The following SLC24A2 variants were observed in gnomAD, a reference collection of about 807,000 sequenced individuals.
The protein encoded by SLC24A2 is sodium/potassium/calcium exchanger 2.
A neutral mutation model predicts 62.0 loss-of-function variants in SLC24A2; 36 were observed. That is an observed-to-expected ratio of 0.58 (90% CI 0.44 to 0.77). The LOEUF (loss-of-function observed/expected upper bound fraction) is 0.77. Among genes scored for constraint, SLC24A2 ranks in the 30% least tolerant of loss-of-function variants. The pLI, the probability that SLC24A2 is intolerant of heterozygous loss-of-function variation, is 0.00. For synonymous variants in SLC24A2, 358 were observed against 294.0 expected (o/e 1.22, Z -2.23); for missense variants, 846 against 817.9 (o/e 1.03, Z -0.42).
chr9:19,995,898 G>T, the SLC24A2 span, among the ~76,000 whole-genome samples: 3 of 152,232 alleles, frequency 2.0e-5, no homozygotes, highest in African/African-American at 7.2e-5. Flanking sequence ...AGATGAACAT[G>T]CATACACACT....
At chr9:19,893,084 T>C in the SLC24A2 span, among the ~76,000 whole-genome samples, 1 of 152,214 alleles carries the variant, frequency 6.6e-6, no homozygotes, top group South Asian at 2.1e-4. Flanking sequence ...TTTAATAATG[T>C]TCCCATTTTG....
chr9:19,857,226 C>T, the SLC24A2 span, among the ~76,000 whole-genome samples: 1 of 152,180 alleles, frequency 6.6e-6, no homozygotes, highest in Non-Finnish European at 1.5e-5. Context: ...TTCTTTGCAT[C>T]ATTCCCAACT....
chr9:19,508,957 TCTG>T lies in SLC24A2; in HGVS notation c.*7193_*7195del, dbSNP rs1271579219. 2 of 152,190 alleles carry T rather than the reference TCTG, an allele frequency of 1.3e-5. No homozygotes were observed. Among genetic ancestry groups the T allele is most frequent in the African/African-American group, 4.8e-5 (2 of 41,442 alleles). The allele number at this position is 152,190 out of a possible 1,614,324, so 9.4% of individuals were successfully genotyped here. On this transcript the variant is annotated 3_prime_UTR_variant, in exon 11 of 11. Coordinates refer to ENST00000341998, the MANE Select transcript of SLC24A2 (RefSeq NM_020344.4). ...AAATAACCACCAAAGCATTATGAAA[TCTG>T]CTGCTTTACATGTCCTCCCAAGGAA...
the SLC24A2 span, among the ~76,000 whole-genome samples, chr9:19,871,848 T>C: frequency 1.3e-5 from 2 of 152,340 alleles, no homozygotes; most frequent in East Asian, 1.9e-4. Flanking sequence ...TCATTTTTAC[T>C]GGTTATTTTT....
At chr9:19,809,388 G>T in the SLC24A2 span, among the ~76,000 whole-genome samples, 1 of 152,126 alleles carries the variant, frequency 6.6e-6, no homozygotes, top group Admixed American at 6.6e-5. Context: ...CAAAACTAAC[G>T]TACCTGGTGG....
At chr9:19,679,880 G>A (rs1490818451) in intron 2 of SLC24A2, among the ~76,000 whole-genome samples, 4 of 139,038 alleles carry the variant, frequency 2.9e-5, no homozygotes, top group African/African-American at 1.0e-4. Flanking sequence ...GTGTGTGTGT[G>A]TGTCTGTGTC....
intron 7 of SLC24A2, 25 bp downstream of exon 7, chr9:19,573,326 G>C (rs745885659): frequency 6.9e-7 from 1 of 1,453,366 alleles, no homozygotes; most frequent in South Asian, 1.1e-5. Flanking sequence ...CAACAGCCCA[G>C]AAGAGCAATG....
intron 2 of SLC24A2, among the ~76,000 whole-genome samples, chr9:19,696,401 G>A (rs12682919): frequency 0.19 from 28,355 of 152,098 alleles, 2,855 homozygotes; most frequent in Middle Eastern, 0.24. Context: ...AAATCAACTT[G>A]ATGAGGGGCC....
At chr9:19,813,768 C>A in the SLC24A2 span, among the ~76,000 whole-genome samples, 4,383 of 152,160 alleles carry the variant, frequency 0.029, 75 homozygotes, top group African/African-American at 0.045. Context: ...TGCAGACCCC[C>A]TGAATGGGAT....
chr9:19,706,215 G>C (rs2118561237), intron 2 of SLC24A2, among the ~76,000 whole-genome samples: 2 of 151,356 alleles, frequency 1.3e-5, no homozygotes, highest in South Asian at 2.1e-4. Context: ...TTTGATCTTT[G>C]TTGGTTTAAA....
chr9:19,798,194 T>C, the SLC24A2 span, among the ~76,000 whole-genome samples: 3 of 152,178 alleles, frequency 2.0e-5, no homozygotes, highest in Non-Finnish European at 4.4e-5. Flanking sequence ...TATTTATGTT[T>C]TTAATGCTTC....
At chr9:20,259,715 A>G in the SLC24A2 span, among the ~76,000 whole-genome samples, 1 of 152,262 alleles carries the variant, frequency 6.6e-6, no homozygotes, top group South Asian at 2.1e-4. Flanking sequence ...AGATTCAAAC[A>G]GTCCCCAATA....
intron 2 of SLC24A2, among the ~76,000 whole-genome samples, chr9:19,690,141 ATCTC>A (rs35555424): frequency 9.2e-5 from 14 of 151,430 alleles, no homozygotes; most frequent in South Asian, 4.2e-4. Context: ...CTTATAGTAA[ATCTC>A]TCTCTCTCTG....
chr9:19,742,145 T>G lies in SLC24A2; in HGVS notation c.930+43792A>C, dbSNP rs187573981. On this transcript the variant is annotated intron_variant, in intron 2 of 10. Coordinates refer to ENST00000341998, the MANE Select transcript of SLC24A2 (RefSeq NM_020344.4). ...ATCTCAGAAGCAATTGCCATAAAAG[T>G]GTTGATGTCATAAGCATATGAAAGC... is the stretch of plus-strand genomic sequence containing the variant. 2.0e-5 allele frequency among the ~76,000 whole-genome samples: 3 copies of G among 152,278 alleles called. No homozygotes were observed. In the East Asian group the frequency reaches 5.8e-4, roughly 29 times the overall value.
intron 7 of SLC24A2, among the ~76,000 whole-genome samples, chr9:19,556,344 G>T (rs758825361): frequency 3.3e-5 from 5 of 152,186 alleles, no homozygotes; most frequent in Non-Finnish European, 7.4e-5. Flanking sequence ...TGCCTCAGAA[G>T]CCAGAAAAAT....
At chr9:20,194,545 T>C in the SLC24A2 span, among the ~76,000 whole-genome samples, 17 of 152,294 alleles carry the variant, frequency 1.1e-4, no homozygotes, top group South Asian at 1.4e-3. Flanking sequence ...ACAGAGTTTA[T>C]TGAAGGTTTA....
the SLC24A2 span, among the ~76,000 whole-genome samples, chr9:19,952,802 G>C: frequency 1.3e-5 from 2 of 151,768 alleles, no homozygotes; most frequent in South Asian, 4.2e-4. Context: ...TTTTCTGAAA[G>C]AATTTGTATA....
the SLC24A2 span, among the ~76,000 whole-genome samples, chr9:20,088,991 G>C: frequency 3.3e-5 from 5 of 152,318 alleles, no homozygotes; most frequent in East Asian, 9.7e-4. Flanking sequence ...AGACTATTAT[G>C]TGGGTCCCTG....
chr9:19,838,590 G>C, the SLC24A2 span, among the ~76,000 whole-genome samples: 10 of 151,242 alleles, frequency 6.6e-5, no homozygotes, highest in Non-Finnish European at 1.2e-4. Flanking sequence ...AGTGAGTCGA[G>C]ACGGTGCCAC....
Sources: gnomAD v4.1 joint callset for allele counts (sites outside exome capture counted in the v4.1 genomes callset) on GRCh38, gnomAD v4.1.1 for gene constraint, MANE v1.5 for transcripts, NCBI Gene and HGNC (gene_info 2026-07-23, HGNC 2026-07-21) for gene names.